The following IGFL2 variants were observed in gnomAD, a reference collection of about 807,000 sequenced individuals.
The protein encoded by IGFL2 is insulin growth factor-like family member 2.
Under a neutral mutation model 13.9 loss-of-function variants are expected in IGFL2, and 7 were observed. The ratio of observed to expected loss-of-function variants is 0.51; its 90% CI spans 0.29 to 0.95. The LOEUF is 0.95. Among genes scored for constraint, IGFL2 ranks in the 40% least tolerant of loss-of-function variants. The pLI is 0.08. For missense variants in IGFL2, 138 were observed against 147.8 expected (o/e 0.93, Z 0.34); for synonymous variants, 55 against 55.8 (o/e 0.99, Z 0.07).
At chr19:46,150,465 G>A (rs891253049) in intron 1 of IGFL2, among the ~76,000 whole-genome samples, 25 of 152,060 alleles carry the variant, frequency 1.6e-4, no homozygotes, top group African/African-American at 6.0e-4. Context: ...AGACTTACTT[G>A]TATGTTTTCT....
the IGFL2 span, among the ~76,000 whole-genome samples, chr19:46,090,856 G>A: frequency 6.6e-6 from 1 of 152,288 alleles, no homozygotes; most frequent in East Asian, 1.9e-4. Context: ...TGGGTTGAGC[G>A]GTTGCAGGGG....
At chr19:46,114,282 C>G in the IGFL2 span, among the ~76,000 whole-genome samples, 1 of 152,138 alleles carries the variant, frequency 6.6e-6, no homozygotes, top group East Asian at 1.9e-4. Flanking sequence ...TTCCCCATGC[C>G]AACAGCCTCC....
chr19:46,119,032 G>A, the IGFL2 span, among the ~76,000 whole-genome samples: 1 of 152,030 alleles, frequency 6.6e-6, no homozygotes, highest in African/African-American at 2.4e-5. Context: ...TTTTCTGGGA[G>A]GGATCTCTGT....
chr19:46,141,737 T>C (rs1053225835), upstream of IGFL2, among the ~76,000 whole-genome samples: 47 of 152,080 alleles, frequency 3.1e-4, no homozygotes, highest in Middle Eastern at 6.3e-3. Context: ...TGCTTCCAAC[T>C]TCCCTCACTG....
the IGFL2 span, among the ~76,000 whole-genome samples, chr19:46,107,255 AC>A: frequency 1.3e-5 from 2 of 152,120 alleles, no homozygotes; most frequent in African/African-American, 4.8e-5. Context: ...TGTAAGAGTT[AC>A]CTAAAGCTGT....
At chr19:46,124,509 G>A in the IGFL2 span, 4 of 1,196,796 alleles carry the variant, frequency 3.3e-6, no homozygotes, top group African/African-American at 1.5e-5. Flanking sequence ...GAGGTGACTA[G>A]TAGGGCACAG....
chr19:46,119,800 G>A, the IGFL2 span, among the ~76,000 whole-genome samples: 2 of 150,466 alleles, frequency 1.3e-5, no homozygotes, highest in African/African-American at 5.0e-5. Context: ...GGTGGGGTGG[G>A]GTGGGGGTGC....
chr19:46,086,770 G>C, the IGFL2 span, among the ~76,000 whole-genome samples: 25 of 152,172 alleles, frequency 1.6e-4, no homozygotes, highest in Admixed American at 1.1e-3. Flanking sequence ...TTTTGAATTT[G>C]CTCTCATGGG....
At chr19:46,210,973 G>C in the IGFL2 span, among the ~76,000 whole-genome samples, 1 of 152,210 alleles carries the variant, frequency 6.6e-6, no homozygotes, top group South Asian at 2.1e-4. Flanking sequence ...CTTGCAGGTG[G>C]GGTTCTGGAT....
downstream of IGFL2, among the ~76,000 whole-genome samples, chr19:46,164,888 G>A (rs1974325350): frequency 6.6e-6 from 1 of 152,198 alleles, no homozygotes; most frequent in East Asian, 1.9e-4. Flanking sequence ...TCAGGGTCCA[G>A]GCTTATCAAA....
the IGFL2 span, among the ~76,000 whole-genome samples, chr19:46,130,992 C>T: frequency 3.3e-5 from 5 of 152,254 alleles, no homozygotes; most frequent in Non-Finnish European, 7.4e-5. Flanking sequence ...CTTCCGCTTA[C>T]GTAAGGAGGC....
intron 1 of IGFL2, among the ~76,000 whole-genome samples, chr19:46,156,646 G>T (rs550220386): frequency 6.6e-6 from 1 of 152,208 alleles, no homozygotes; most frequent in African/African-American, 2.4e-5. Flanking sequence ...ATAAAGCAGT[G>T]CTAAGTGTGA....
chr19:46,204,450 G>C, the IGFL2 span, among the ~76,000 whole-genome samples: 1 of 152,182 alleles, frequency 6.6e-6, no homozygotes, highest in Non-Finnish European at 1.5e-5. Context: ...ATGACCAACA[G>C]ATGTTGGAGT....
At chr19:46,084,325 T>G in the IGFL2 span, among the ~76,000 whole-genome samples, 1 of 152,232 alleles carries the variant, frequency 6.6e-6, no homozygotes, top group Non-Finnish European at 1.5e-5. Context: ...GAGTATAGTT[T>G]GAATCTGATG....
chr19:46,126,306 C>A, the IGFL2 span, among the ~76,000 whole-genome samples: 2 of 152,324 alleles, frequency 1.3e-5, no homozygotes, highest in East Asian at 3.9e-4. Flanking sequence ...TGCTTTCTTA[C>A]ACAACATCAT....
At chr19:46,080,205 C>A in the IGFL2 span, among the ~76,000 whole-genome samples, 3 of 152,112 alleles carry the variant, frequency 2.0e-5, no homozygotes, top group African/African-American at 7.2e-5. Context: ...TTTGACCTAA[C>A]TTTTATCCTG....
At chr19:46,131,829 C>T in the IGFL2 span, among the ~76,000 whole-genome samples, 3 of 152,214 alleles carry the variant, frequency 2.0e-5, no homozygotes, top group Admixed American at 6.5e-5. Context: ...GTCTCAGCTA[C>T]TCGGGAGGCT....
At chr19:46,199,231 G>A in the IGFL2 span, among the ~76,000 whole-genome samples, 1 of 152,230 alleles carries the variant, frequency 6.6e-6, no homozygotes, top group South Asian at 2.1e-4. Flanking sequence ...GTCTTGCTTG[G>A]ATTAGAAAGT....
the IGFL2 span, among the ~76,000 whole-genome samples, chr19:46,107,492 G>A: frequency 6.6e-6 from 1 of 152,264 alleles, no homozygotes; most frequent in African/African-American, 2.4e-5. Context: ...CCAGTGGCCA[G>A]ATTTCCAGCA....
Sources: gnomAD v4.1 joint callset for allele counts (sites outside exome capture counted in the v4.1 genomes callset) on GRCh38, gnomAD v4.1.1 for gene constraint, MANE v1.5 for transcripts, NCBI Gene and HGNC (gene_info 2026-07-23, HGNC 2026-07-21) for gene names.